The following SMYD4 variants were observed in gnomAD, a reference collection of about 807,000 sequenced individuals.
SMYD4 encodes the protein SET and MYND domain containing 4.
In SMYD4, 68 loss-of-function variants were observed where a neutral mutation model predicts 72.8. That is an observed-to-expected ratio of 0.93 (90% CI 0.77 to 1.14). The LOEUF (loss-of-function observed/expected upper bound fraction) is 1.14, where lower values mean the gene tolerates loss of function less well. Among genes scored for constraint, SMYD4 ranks in the 50% most tolerant of loss-of-function variants. The probability of loss-of-function intolerance (pLI) is 0.00; values close to 1 mark genes in which losing one functional copy is unlikely to be tolerated. For missense variants in SMYD4, 984 were observed against 1,003.7 expected (o/e 0.98, Z 0.27); for synonymous variants, 407 against 388.6 (o/e 1.05, Z -0.56).
intron 5 of SMYD4, among the ~76,000 whole-genome samples, chr17:1,796,319 T>G (rs1909410065): frequency 6.8e-6 from 1 of 147,596 alleles, no homozygotes. Context: ...TTTTTTTTTG[T>G]AGAGATGGGT....
In SMYD4 at chr17:1,801,038, G is replaced by C. The variant is rs781178529; in HGVS notation, c.370-14C>G. The C allele has an allele frequency of 7.6e-6, 12 of 1,580,486 alleles. No individual in the cohort carries two copies. Among genetic ancestry groups the C allele is most frequent in the African/African-American group, 1.3e-5 (1 of 74,082 alleles). On this transcript the variant is annotated splice_polypyrimidine_tract_variant and intron_variant, in intron 4 of 10. Coordinates refer to ENST00000305513, the MANE Select transcript of SMYD4 (RefSeq NM_052928.3). ...TTTAAGACACGTCTGAAAACAGAAAGAAAATCCCACAATGACCCTTGGTCC... is the reference window on the plus strand; with the variant it reads ...TTTAAGACACGTCTGAAAACAGAAACAAAATCCCACAATGACCCTTGGTCC...
intron 3 of SMYD4, among the ~76,000 whole-genome samples, chr17:1,807,597 A>G (rs1459340139): frequency 6.6e-6 from 1 of 152,032 alleles, no homozygotes; most frequent in East Asian, 1.9e-4. Flanking sequence ...TTCCAACCTC[A>G]GGTGATCCAC....
intron 2 of SMYD4, among the ~76,000 whole-genome samples, chr17:1,827,611 G>C (rs966559060): frequency 6.6e-6 from 1 of 152,060 alleles, no homozygotes; most frequent in African/African-American, 2.4e-5. Context: ...AACGAACCAG[G>C]AAAAGTACTT....
chr17:1,813,429 T>C (rs1227915444), intron 2 of SMYD4, among the ~76,000 whole-genome samples: 1 of 152,154 alleles, frequency 6.6e-6, no homozygotes, highest in Non-Finnish European at 1.5e-5. Context: ...TTGTACTTTT[T>C]TTTTTGGAGA....
At chr17:1,826,404 A>T (rs919884524) in intron 2 of SMYD4, among the ~76,000 whole-genome samples, 2 of 150,034 alleles carry the variant, frequency 1.3e-5, no homozygotes, top group African/African-American at 4.9e-5. Context: ...AGGCAGGAGA[A>T]TCACTTGAAC....
intron 5 of SMYD4, among the ~76,000 whole-genome samples, chr17:1,789,350 G>A (rs1567767711): frequency 1.3e-5 from 2 of 152,152 alleles, no homozygotes; most frequent in Non-Finnish European, 2.9e-5. Context: ...TCACACTGCT[G>A]CACTCCAGCC....
chr17:1,829,392 G>C (rs1345496655), intron 1 of SMYD4: 2 of 152,408 alleles, frequency 1.3e-5, no homozygotes, highest in African/African-American at 2.4e-5. Context: ...CACGTTCTTC[G>C]ACTCGGCTCA....
intron 5 of SMYD4, among the ~76,000 whole-genome samples, chr17:1,795,317 GCTATCTATCTATCTATCTAATCAT>G (rs1260717280): frequency 4.6e-5 from 7 of 151,336 alleles, no homozygotes; most frequent in Non-Finnish European, 8.9e-5. Context: ...TGTCGCCCTG[GCTATCTATCTATCTATCTAATCAT>G]CTATCTATCT....
chr17:1,822,886 A>G (rs996097064), intron 2 of SMYD4, among the ~76,000 whole-genome samples: 2 of 152,230 alleles, frequency 1.3e-5, no homozygotes, highest in Admixed American at 1.3e-4. Flanking sequence ...TAAATCGAAC[A>G]TGAAATGTGT....
At chr17:1,786,190 T>G (rs913526743) in intron 7 of SMYD4, among the ~76,000 whole-genome samples, 1 of 152,080 alleles carries the variant, frequency 6.6e-6, no homozygotes, top group African/African-American at 2.4e-5. Context: ...GGCTGCTGTT[T>G]GAGTGGCATG....
At chr17:1,793,350 C>T (rs12600664) in intron 5 of SMYD4, among the ~76,000 whole-genome samples, 114,595 of 151,712 alleles carry the variant, frequency 0.76, 44,114 homozygotes, top group Non-Finnish European at 0.81. Context: ...GACAATTTCA[C>T]TTGTTCACAA....
chr17:1,825,057 T>C (rs745922813), intron 2 of SMYD4, among the ~76,000 whole-genome samples: 1 of 152,156 alleles, frequency 6.6e-6, no homozygotes, highest in Non-Finnish European at 1.5e-5. Context: ...TTCCCAGCCA[T>C]GTGTGAGTCA....
intron 3 of SMYD4, among the ~76,000 whole-genome samples, chr17:1,810,254 G>GC (rs753786375): frequency 2.0e-4 from 31 of 152,124 alleles, no homozygotes; most frequent in Middle Eastern, 3.4e-3. Context: ...GGAAATAGAA[G>GC]TTTCTTGAAG....
At position 1,804,650 on chromosome 17, in the gene SMYD4, G is replaced by GGTTA; in HGVS notation, c.344_345insTAAC (p.Leu116AsnfsTer9). 6.2e-7 allele frequency: 1 copy of GGTTA among 1,613,682 alleles called. No individual in the cohort carries two copies. Among genetic ancestry groups the GGTTA allele is most frequent in the Non-Finnish European group, 8.5e-7 (1 of 1,179,784 alleles). ...CCTCATACTGACCCAGGTGGAAGAG[G>GGTTA]GCTGCCGAGCGGTTAGCATGACACA... On this transcript the variant is annotated frameshift_variant, in exon 4 of 11. Coordinates refer to ENST00000305513, the MANE Select transcript of SMYD4 (RefSeq NM_052928.3). LOFTEE classifies it high-confidence loss of function.
At chr17:1,815,444 C>CCAAA (rs1910540691) in intron 2 of SMYD4, among the ~76,000 whole-genome samples, 4 of 151,798 alleles carry the variant, frequency 2.6e-5, no homozygotes, top group Admixed American at 2.6e-4. Context: ...AAGTGATTTT[C>CCAAA]CTGCCTTGGC....
In SMYD4 at chr17:1,779,513, A is replaced by G. The variant is rs554278134; in HGVS notation, c.*1773T>C. 6.7e-6 allele frequency: 1 copy of G among 149,128 alleles called. No individual in the cohort carries two copies. The highest frequency in any genetic ancestry group is 2.1e-4 in the South Asian group (1 of 4,654). The allele number at this position is 149,128 out of a possible 1,614,324, so 9.2% of individuals were successfully genotyped here. On this transcript the variant is annotated 3_prime_UTR_variant, in exon 11 of 11. Transcript: ENST00000305513. ...ACAAAACAAAACAAAACAAAACAAA[A>G]CCAACAACTCAGAAGGAGGCATATG...
At chr17:1,795,420 T>TA (rs11405645) in intron 5 of SMYD4, among the ~76,000 whole-genome samples, 10 of 47,824 alleles carry the variant, frequency 2.1e-4, no homozygotes, top group South Asian at 8.8e-4. Context: ...TCTATCTATC[T>TA]ATCTATCTAT....
intron 2 of SMYD4, among the ~76,000 whole-genome samples, chr17:1,820,130 C>T (rs190154493): frequency 4.6e-5 from 7 of 152,264 alleles, no homozygotes; most frequent in Non-Finnish European, 7.4e-5. Context: ...TAGAGTACCA[C>T]CATGGACTTA....
chr17:1,820,577 C>T (rs1437299690), intron 2 of SMYD4, among the ~76,000 whole-genome samples: 1 of 152,050 alleles, frequency 6.6e-6, no homozygotes, highest in Non-Finnish European at 1.5e-5. Flanking sequence ...TATTAGTCTT[C>T]GAGCACGTCC....
Sources: gnomAD v4.1 joint callset for allele counts (sites outside exome capture counted in the v4.1 genomes callset) on GRCh38, gnomAD v4.1.1 for gene constraint, MANE v1.5 for transcripts, NCBI Gene and HGNC (gene_info 2026-07-23, HGNC 2026-07-21) for gene names.